The following BTBD1 variants were observed in gnomAD, a reference collection of about 807,000 sequenced individuals.
BTBD1 encodes the protein BTB domain containing 1.
A neutral mutation model predicts 48.0 loss-of-function variants in BTBD1; 34 were observed. That is an observed-to-expected ratio of 0.71 (90% confidence interval 0.54 to 0.94). The LOEUF (loss-of-function observed/expected upper bound fraction) is 0.94. Ranked by LOEUF, BTBD1 falls within the 40% of genes least tolerant of loss-of-function variation. The pLI, the probability that BTBD1 is intolerant of heterozygous loss-of-function variation, is 0.00. For missense variants in BTBD1, 543 were observed against 625.6 expected, an observed-to-expected ratio of 0.87 and a Z score of 1.41; for synonymous variants, 261 against 242.1, an observed-to-expected ratio of 1.08 and a Z score of -0.72.
chr15:83,025,328 A>G (rs1196688862), intron 5 of BTBD1, among the ~76,000 whole-genome samples: 1 of 137,828 alleles, frequency 7.3e-6, no homozygotes, highest in African/African-American at 2.8e-5. Flanking sequence ...ATTGCACTCC[A>G]GCCTGGGCAA....
chr15:83,037,463 GA>G (rs1159065004), intron 4 of BTBD1, among the ~76,000 whole-genome samples: 5 of 152,144 alleles, frequency 3.3e-5, no homozygotes, highest in African/African-American at 9.7e-5. Context: ...CAATAGACAT[GA>G]AAAAGCATTC....
At chr15:83,034,154 A>G (rs1017131443) in intron 4 of BTBD1, among the ~76,000 whole-genome samples, 3 of 151,772 alleles carry the variant, frequency 2.0e-5, no homozygotes, top group Non-Finnish European at 2.9e-5. Flanking sequence ...TATTAAATAT[A>G]AAGTGAACCA....
intron 5 of BTBD1, 134 bp downstream of exon 5, chr15:83,030,002 T>C (rs1344511972): frequency 1.2e-6 from 1 of 868,032 alleles, no homozygotes; most frequent in Admixed American, 2.2e-5. Flanking sequence ...GACTCCTATA[T>C]TAACTTAACT....
intron 1 of BTBD1, among the ~76,000 whole-genome samples, chr15:83,062,045 T>C (rs2033184531): frequency 6.6e-6 from 1 of 152,118 alleles, no homozygotes; most frequent in Non-Finnish European, 1.5e-5. Flanking sequence ...AAGGAGGCCT[T>C]AGAAGCAGGC....
chr15:83,050,040 A>T, intron 3 of BTBD1, 33 bp downstream of exon 3: 1 of 1,388,984 alleles, frequency 7.2e-7, no homozygotes, highest in Non-Finnish European at 1.0e-6. Context: ...AACTGTACTT[A>T]AAATGTAACA....
chr15:83,020,632 T>C, intron 6 of BTBD1, 43 bp downstream of exon 6: 1 of 1,262,918 alleles, frequency 7.9e-7, no homozygotes, highest in Non-Finnish European at 1.1e-6. Context: ...GTTACCTGTT[T>C]GTGTTATTTC....
Position 83,018,604 on chromosome 15 carries a change from C to G in BTBD1, c.1290+103G>C, listed in dbSNP as rs189139370. ...TTTTAGCTCCCAGCTTCTTTTCCCC[C>G]CTCTTTATAAATGGCTCAGCTGTCA... is the stretch of plus-strand genomic sequence containing the variant. On this transcript the variant is annotated intron_variant, in intron 7 of 7. Coordinates refer to ENST00000261721, the MANE Select transcript of BTBD1 (RefSeq NM_025238.4). 7.6e-6 allele frequency: 10 copies of G among 1,313,912 alleles called. 1 individual carries two copies. The highest frequency in any genetic ancestry group is 1.9e-4 in the Middle Eastern group (1 of 5,212). 81.4% of individuals were successfully genotyped at this position (1,313,912 alleles called of 1,614,324 possible).
intron 1 of BTBD1, 107 bp downstream of exon 1, chr15:83,066,644 C>T (rs1596447331): frequency 1.7e-6 from 2 of 1,196,106 alleles, no homozygotes; most frequent in East Asian, 3.3e-5. Context: ...GTCAGAAGAG[C>T]CCAGCCCAAG....
At chr15:83,057,175 A>G (rs554850603) in intron 1 of BTBD1, among the ~76,000 whole-genome samples, 1 of 152,336 alleles carries the variant, frequency 6.6e-6, no homozygotes, top group African/African-American at 2.4e-5. Flanking sequence ...CTGCATTTTA[A>G]TAAGAAAACC....
rs140444971 is a variant in BTBD1, at chr15:83,061,634, G to C, written c.402-5089C>G. ...TGTGTTCCTCGGAGTCATGAGCCAC[G>C]AAGTCAAGCTACCCTGCTGGAGAGA... On this transcript the variant is annotated intron_variant, in intron 1 of 7. Coordinates refer to ENST00000261721, the MANE Select transcript of BTBD1 (RefSeq NM_025238.4). 20 of 152,360 alleles carry C rather than the reference G, an allele frequency of 1.3e-4. No homozygotes were observed. The East Asian group carries it at 3.5e-3, about 26-fold the overall frequency. 9.4% of individuals were successfully genotyped at this position (152,360 alleles called of 1,614,324 possible). A position where few individuals can be genotyped will look rare whatever the true frequency, so the allele number is the denominator to read the frequency against.
chr15:83,041,322 C>A (rs1055170299), intron 4 of BTBD1, among the ~76,000 whole-genome samples: 3 of 151,536 alleles, frequency 2.0e-5, no homozygotes, highest in African/African-American at 7.3e-5. Context: ...GTGATTAGTA[C>A]TGAATAAAAG....
intron 2 of BTBD1, among the ~76,000 whole-genome samples, chr15:83,050,936 T>C (rs2032969886): frequency 1.3e-5 from 2 of 151,596 alleles, no homozygotes; most frequent in South Asian, 4.1e-4. Context: ...ATATGTACTG[T>C]AGAATTCCAG....
chr15:83,052,631 A>ATT (rs35721041), intron 2 of BTBD1, among the ~76,000 whole-genome samples: 3 of 132,704 alleles, frequency 2.3e-5, no homozygotes, highest in Admixed American at 7.8e-5. Context: ...ATATCAACAG[A>ATT]TTTTTTTTTT....
chr15:83,063,444 CTCA>C (rs566728534), intron 1 of BTBD1, among the ~76,000 whole-genome samples: 58 of 152,310 alleles, frequency 3.8e-4, no homozygotes, highest in Non-Finnish European at 2.8e-4. Context: ...TTGACCATGT[CTCA>C]TCATGTCCTT....
chr15:83,044,970 TAAAA>T (rs1006467683), intron 3 of BTBD1, among the ~76,000 whole-genome samples: 3 of 151,922 alleles, frequency 2.0e-5, no homozygotes, highest in African/African-American at 7.3e-5. Context: ...TTTGTGCTAA[TAAAA>T]AAATAATAAA....
At chr15:83,061,626 T>A (rs1490487959) in intron 1 of BTBD1, 1 of 152,254 alleles carries the variant, frequency 6.6e-6, no homozygotes, top group Non-Finnish European at 1.5e-5. Flanking sequence ...CTCGGAGTCA[T>A]GAGCCACGAA....
At position 83,048,879 on chromosome 15, in the gene BTBD1, A is replaced by T. The variant is rs183961111; in HGVS notation, c.664+1194T>A. Among the ~76,000 whole-genome samples, 235 of 152,260 alleles carry T rather than the reference A, an allele frequency of 1.5e-3. 2 individuals carry two copies. The highest frequency in any genetic ancestry group is 5.1e-3 in the Admixed American group (78 of 15,276). On this transcript the variant is annotated intron_variant, in intron 3 of 7. Transcript: ENST00000261721. The stretch of plus-strand genomic sequence containing the variant: ...AGACAAGAAAGAGAATCATTTACCC[A>T]ATTTTTGGTGAATCAGTGAGTGACA...
chr15:83,053,315 C>A (rs2033026963), intron 2 of BTBD1, among the ~76,000 whole-genome samples: 2 of 152,146 alleles, frequency 1.3e-5, no homozygotes, highest in African/African-American at 4.8e-5. Context: ...CAAGAAGTTT[C>A]ACATGACAAT....
At chr15:83,051,364 A>G (rs1287392690) in intron 2 of BTBD1, among the ~76,000 whole-genome samples, 17 of 152,060 alleles carry the variant, frequency 1.1e-4, no homozygotes, top group Admixed American at 1.1e-3. Flanking sequence ...TTCAGATACT[A>G]CTGAACAACT....
Sources: gnomAD v4.1 joint callset for allele counts (sites outside exome capture counted in the v4.1 genomes callset) on GRCh38, gnomAD v4.1.1 for gene constraint, MANE v1.5 for transcripts, NCBI Gene and HGNC (gene_info 2026-07-23, HGNC 2026-07-21) for gene names.